The following TMEM260 variants were observed in gnomAD, a reference collection of about 807,000 sequenced individuals.
TMEM260 encodes protein O-mannosyl-transferase TMEM260.
In TMEM260, 82 loss-of-function variants were observed where a neutral mutation model predicts 88.9. That is an observed-to-expected ratio of 0.92 (90% CI 0.77 to 1.11). The LOEUF (loss-of-function observed/expected upper bound fraction) is 1.11. TMEM260 is among the 50% of genes least tolerant of loss of function. The pLI, the probability that TMEM260 is intolerant of heterozygous loss-of-function variation, is 0.00. For synonymous variants in TMEM260, 314 were observed against 309.3 expected, an observed-to-expected ratio of 1.02 and a Z score of -0.16; for missense variants, 902 against 853.4, an observed-to-expected ratio of 1.06 and a Z score of -0.71.
chr14:56,640,182 T>C (rs1442349099), intron 15 of TMEM260, among the ~76,000 whole-genome samples: 2 of 152,164 alleles, frequency 1.3e-5, no homozygotes, highest in Non-Finnish European at 2.9e-5. Context: ...GATCTGAGAA[T>C]GGGCAGACTG....
the TMEM260 span, among the ~76,000 whole-genome samples, chr14:56,662,855 A>G: frequency 6.6e-6 from 1 of 152,306 alleles, no homozygotes; most frequent in South Asian, 2.1e-4. Context: ...TTGGCCGGGC[A>G]CCCTGGCTAC....
At chr14:56,646,999 G>A (rs753596841) in intron 15 of TMEM260, among the ~76,000 whole-genome samples, 7 of 151,978 alleles carry the variant, frequency 4.6e-5, no homozygotes, top group Non-Finnish European at 1.0e-4. Flanking sequence ...CTGTGTCTTC[G>A]GTTTCCCCTG....
At chr14:56,632,302 C>T (rs922905148) in intron 12 of TMEM260, among the ~76,000 whole-genome samples, 2 of 152,134 alleles carry the variant, frequency 1.3e-5, no homozygotes, top group Non-Finnish European at 2.9e-5. Flanking sequence ...GACTGAAGGA[C>T]AGAGAGAAAA....
Position 56,618,683 on chromosome 14 carries a change from G to A in TMEM260, c.1146G>A (p.Val382=). 6.2e-7 allele frequency: 1 copy of A among 1,614,184 alleles called. No individual in the cohort carries two copies. The highest frequency in any genetic ancestry group is 8.5e-7 in the Non-Finnish European group (1 of 1,180,036). ...CAGTTGTGTCTGAGACTAACCGAGT[G>A]CTGAATAGCAATGGGCTTCAGTGTC... ...LAAVVSETNR[V]LNSNGLQCLE... Residue 382 remains valine, a synonymous_variant, in exon 10 of 16, where the codon GTG becomes GTA. Coordinates refer to ENST00000261556, the MANE Select transcript of TMEM260 (RefSeq NM_017799.4).
intron 6 of TMEM260, among the ~76,000 whole-genome samples, chr14:56,610,879 G>T (rs550691982): frequency 1.3e-5 from 2 of 151,848 alleles, no homozygotes; most frequent in East Asian, 3.9e-4. Flanking sequence ...GTATAAAAAG[G>T]TTATTAATTT....
downstream of TMEM260, among the ~76,000 whole-genome samples, chr14:56,653,717 A>G (rs1421147788): frequency 2.4e-5 from 2 of 81,720 alleles, no homozygotes; most frequent in Non-Finnish European, 4.5e-5. Flanking sequence ...CCTGGGTGAC[A>G]GAGCAAGACT....
chr14:56,632,529 G>C (rs936607315), intron 12 of TMEM260, among the ~76,000 whole-genome samples: 18 of 152,106 alleles, frequency 1.2e-4, no homozygotes, highest in African/African-American at 3.9e-4. Flanking sequence ...TTGGTCCCCT[G>C]TGCTACTTCT....
intron 11 of TMEM260, among the ~76,000 whole-genome samples, chr14:56,625,169 A>G (rs574119614): frequency 6.6e-6 from 1 of 152,304 alleles, no homozygotes; most frequent in South Asian, 2.1e-4. Flanking sequence ...GGAAGAAGGT[A>G]CTGATGTGAC....
rs1884980137 is a variant in TMEM260, at chr14:56,579,837, G to C, written c.-78G>C. The C allele has an allele frequency of 3.3e-6, 4 of 1,203,632 alleles. No homozygotes were observed. Among genetic ancestry groups the C allele is most frequent in the South Asian group, 8.4e-5 (2 of 23,690 alleles). 74.6% of individuals were successfully genotyped at this position (1,203,632 alleles called of 1,614,324 possible). A position where few individuals can be genotyped will look rare whatever the true frequency, so the allele number is the denominator to read the frequency against. ...CGTGGCCGCCGCACAAGCTGCGCTC[G>C]TCTCTCGGCTGGGGAGCTCCGTGTC... is the stretch of plus-strand genomic sequence containing the variant. On this transcript the variant is annotated 5_prime_UTR_variant, in exon 1 of 16. Coordinates refer to ENST00000261556, the MANE Select transcript of TMEM260 (RefSeq NM_017799.4).
Position 56,635,897 on chromosome 14 carries a change from A to G in TMEM260, c.1779-611A>G, listed in dbSNP as rs181829561. Among the ~76,000 whole-genome samples, 48 of 152,294 alleles carry G rather than the reference A, an allele frequency of 3.2e-4. 1 individual carries two copies. The highest frequency in any genetic ancestry group is 2.7e-3 in the Admixed American group (42 of 15,286). ...CAATAGTATTTTTGAATAAGTCAGA[A>G]AATAGCATATTTTAAGTTGTCATTG... On this transcript the variant is annotated intron_variant, in intron 14 of 15. Transcript: ENST00000261556.
At chr14:56,635,392 A>C (rs1436945774) in intron 14 of TMEM260, among the ~76,000 whole-genome samples, 2 of 152,218 alleles carry the variant, frequency 1.3e-5, no homozygotes, top group Non-Finnish European at 1.5e-5. Flanking sequence ...GCACTGGGCT[A>C]GGCATTGAAG....
At position 56,579,798 on chromosome 14, in the gene TMEM260, G is replaced by T. The variant is rs561734896; in HGVS notation, c.-117G>T. 1.0e-5 allele frequency: 11 copies of T among 1,053,750 alleles called. No individual in the cohort carries two copies. In the East Asian group the frequency reaches 2.6e-4, roughly 25 times the overall value. The allele number at this position is 1,053,750 out of a possible 1,614,324, so 65.3% of individuals were successfully genotyped here. The stretch of plus-strand genomic sequence containing the variant: ...GGTGCGGTCCAACCCGCGGAGGCTC[G>T]ACCCGGAAGCCGCCGTGGCCGCCGC... On this transcript the variant is annotated 5_prime_UTR_variant, in exon 1 of 16. Coordinates refer to ENST00000261556, the MANE Select transcript of TMEM260 (RefSeq NM_017799.4).
chr14:56,603,983 G>T lies in TMEM260; in HGVS notation c.513G>T (p.Glu171Asp), dbSNP rs1886737232. 6.4e-7 allele frequency: 1 copy of T among 1,551,260 alleles called. No homozygotes were observed. The change falls in exon 4 of 16, where the codon GAG becomes GAT. Residue 171 changes from glutamate (E) to aspartate (D), a missense_variant. Physicochemically the swap from Glu to Asp is conservative, Grantham distance 45. Transcript: ENST00000261556. ...TTGAGGAAGCAGCAACTGCTAAGGA[G>T]AGATCAAAGGTAACCTATTTTGATC... ...VHFEEAATAK[E>D]RSKVAKIGAF...
intron 6 of TMEM260, among the ~76,000 whole-genome samples, chr14:56,610,630 A>G (rs1478730584): frequency 6.6e-6 from 1 of 152,158 alleles, no homozygotes; most frequent in Non-Finnish European, 1.5e-5. Context: ...TATGTTTTTT[A>G]TATGTAGGAG....
downstream of TMEM260, chr14:56,649,923 C>T: frequency 3.1e-6 from 1 of 327,410 alleles, no homozygotes; most frequent in South Asian, 2.5e-5. Flanking sequence ...CTAAAAACCA[C>T]TGGTAAATGA....
intron 15 of TMEM260, among the ~76,000 whole-genome samples, chr14:56,640,429 G>C (rs1221440430): frequency 1.3e-5 from 2 of 152,216 alleles, no homozygotes; most frequent in African/African-American, 4.8e-5. Context: ...ACCTGCAGCT[G>C]AGGGTCCTGA....
chr14:56,598,793 G>T (rs1467965160), intron 3 of TMEM260, among the ~76,000 whole-genome samples: 1 of 152,254 alleles, frequency 6.6e-6, no homozygotes, highest in South Asian at 2.1e-4. Flanking sequence ...GTGAAGCCAT[G>T]GCACTGGGCC....
At chr14:56,644,785 C>T (rs1341060517) in intron 15 of TMEM260, among the ~76,000 whole-genome samples, 2 of 152,046 alleles carry the variant, frequency 1.3e-5, no homozygotes, top group Non-Finnish European at 2.9e-5. Context: ...CTACAATGAA[C>T]TCAAACAAAT....
At chr14:56,579,653 G>A (rs1884962615), upstream of TMEM260, 3 of 381,112 alleles carry the variant, frequency 7.9e-6, no homozygotes, top group East Asian at 3.7e-5. Flanking sequence ...TGGTGATTAG[G>A]AACCTTAAAT....
Sources: allele counts gnomAD v4.1 joint callset (sites outside exome capture counted in the v4.1 genomes callset), GRCh38; gene constraint gnomAD v4.1.1; transcripts MANE v1.5; gene names NCBI Gene and HGNC (gene_info 2026-07-23, HGNC 2026-07-21).